The following RNF144A variants were observed in gnomAD, a reference collection of about 807,000 sequenced individuals.
The protein encoded by RNF144A is ring finger protein 144A, also known as E3 ubiquitin-protein ligase RNF144A.
RNF144A carries 11 observed loss-of-function variants against 38.7 expected under a neutral mutation model. The ratio of observed to expected loss-of-function variants is 0.28; its 90% CI spans 0.18 to 0.47. RNF144A has a LOEUF of 0.47. Among genes scored for constraint, RNF144A ranks in the 20% least tolerant of loss-of-function variants. The probability of loss-of-function intolerance (pLI) is 0.99; values close to 1 mark genes in which losing one functional copy is unlikely to be tolerated. For synonymous variants in RNF144A, 149 were observed against 143.9 expected, an observed-to-expected ratio of 1.04 and a Z score of -0.25; for missense variants, 316 against 377.2, an observed-to-expected ratio of 0.84 and a Z score of 1.34.
chr2:6,994,954 C>G (rs1282161926), intron 2 of RNF144A, among the ~76,000 whole-genome samples: 1 of 152,176 alleles, frequency 6.6e-6, no homozygotes, highest in Non-Finnish European at 1.5e-5. Context: ...ATTTCTGCCT[C>G]TCATGTCCTT....
intron 2 of RNF144A, among the ~76,000 whole-genome samples, chr2:6,976,669 A>G (rs1313396769): frequency 1.3e-5 from 2 of 149,356 alleles, no homozygotes. Flanking sequence ...TTTCATATAT[A>G]AACTTTATAT....
At position 6,955,613 on chromosome 2, in the gene RNF144A, A is replaced by G. The variant is rs537113914; in HGVS notation, c.-12+14466A>G. ...TTCTTTCTTAATTATTTCCTTTACA[A>G]TCATCACTGTGTCTAGATGTTTTCC... On this transcript the variant is annotated intron_variant, in intron 2 of 8. Transcript: ENST00000320892. Among the ~76,000 whole-genome samples, 17 of 152,182 alleles carry G rather than the reference A, an allele frequency of 1.1e-4. No homozygotes were observed. In the South Asian group the frequency reaches 1.2e-3, roughly 11 times the overall value.
At chr2:7,014,372 G>C (rs1572403107) in intron 3 of RNF144A, 82 bp from the exon 4 acceptor site, 1 of 894,274 alleles carries the variant, frequency 1.1e-6, no homozygotes, top group Non-Finnish European at 1.9e-6. Flanking sequence ...TGATGTGCCT[G>C]GTCCTTTTTT....
At chr2:7,003,499 A>G (rs1323508117) in intron 3 of RNF144A, among the ~76,000 whole-genome samples, 2 of 152,224 alleles carry the variant, frequency 1.3e-5, no homozygotes, top group Non-Finnish European at 2.9e-5. Flanking sequence ...AATACTTGTA[A>G]TTGCCTACGG....
intron 2 of RNF144A, among the ~76,000 whole-genome samples, chr2:6,991,002 T>G (rs1317297309): frequency 1.3e-5 from 2 of 152,214 alleles, no homozygotes; most frequent in Non-Finnish European, 1.5e-5. Context: ...TCCATGTCTT[T>G]TCTTGGCTTG....
rs1664200038 is a variant in RNF144A at position 6,917,572 on chromosome 2, C to A, written c.-262C>A. The A allele has an allele frequency of 6.8e-6, 1 of 147,860 alleles. No homozygotes were observed. Among genetic ancestry groups the A allele is most frequent in the Non-Finnish European group, 1.5e-5 (1 of 66,374 alleles). The allele number at this position is 147,860 out of a possible 1,614,324, so 9.2% of individuals were successfully genotyped here. On this transcript the variant is annotated 5_prime_UTR_variant, in exon 1 of 9. Coordinates refer to ENST00000320892, the MANE Select transcript of RNF144A (RefSeq NM_014746.6). The surrounding 1 kb of genome is among the most constrained non-coding windows in gnomAD (Gnocchi z 4.8). Reference sequence around the variant, plus strand: ...CTGCGGGCACCCGGCACCCCGCAGCCAGTACCGGGCGGAGGCGTCAGAGCC... The same window carrying A: ...CTGCGGGCACCCGGCACCCCGCAGCAAGTACCGGGCGGAGGCGTCAGAGCC...
In RNF144A at chr2:6,932,158, G is replaced by A. The variant is rs1019811440; in HGVS notation, c.-211-8790G>A. On this transcript the variant is annotated intron_variant, in intron 1 of 8. Transcript: ENST00000320892. ...GGAAAATTGATCTCTTTATTATTTTGTGATGACCCTCTTTGTTGTGATGAT... is the reference window on the plus strand; with the variant it reads ...GGAAAATTGATCTCTTTATTATTTTATGATGACCCTCTTTGTTGTGATGAT... Among the ~76,000 whole-genome samples, 28 of 152,124 alleles carry A rather than the reference G, an allele frequency of 1.8e-4. 1 individual carries two copies. The highest frequency in any genetic ancestry group is 6.5e-4 in the African/African-American group (27 of 41,402).
chr2:7,061,481 GT>G (rs747894915), intron 6 of RNF144A, among the ~76,000 whole-genome samples: 3 of 151,898 alleles, frequency 2.0e-5, no homozygotes, highest in Non-Finnish European at 2.9e-5. Flanking sequence ...GGGTGATGAT[GT>G]TTTTTTTAAT....
intron 3 of RNF144A, among the ~76,000 whole-genome samples, chr2:7,003,450 T>C (rs1270252505): frequency 6.6e-6 from 1 of 152,240 alleles, no homozygotes; most frequent in African/African-American, 2.4e-5. Context: ...TTTAGAAATT[T>C]AGATGTGCAA....
intron 2 of RNF144A, among the ~76,000 whole-genome samples, chr2:6,991,353 C>T (rs767018672): frequency 1.3e-5 from 2 of 152,194 alleles, no homozygotes; most frequent in African/African-American, 2.4e-5. Context: ...CACAGTTCTC[C>T]AATCTCTGCT....
At chr2:7,049,848 A>C (rs1673449082) in intron 6 of RNF144A, among the ~76,000 whole-genome samples, 1 of 152,162 alleles carries the variant, frequency 6.6e-6, no homozygotes, top group Non-Finnish European at 1.5e-5. Context: ...ACCTGCAAAA[A>C]ATGTGTACTG....
intron 6 of RNF144A, among the ~76,000 whole-genome samples, chr2:7,021,695 A>T (rs1406657831): frequency 6.6e-6 from 1 of 152,182 alleles, no homozygotes; most frequent in Non-Finnish European, 1.5e-5. Flanking sequence ...ATTGGATTTG[A>T]GTTCTTGCGT....
intron 2 of RNF144A, among the ~76,000 whole-genome samples, chr2:6,967,843 T>C (rs2103341113): frequency 6.6e-6 from 1 of 152,234 alleles, no homozygotes; most frequent in East Asian, 1.9e-4. Context: ...GAGGGAAAAC[T>C]CAAAAGCTCG....
downstream of RNF144A, among the ~76,000 whole-genome samples, chr2:7,070,935 T>G (rs957354162): frequency 1.7e-4 from 3 of 17,276 alleles, no homozygotes; most frequent in Admixed American, 5.5e-4. Context: ...TTGCTGAGTT[T>G]TTTTTTTTTT....
chr2:6,930,833 A>G (rs116964826), intron 1 of RNF144A, among the ~76,000 whole-genome samples: 2 of 152,024 alleles, frequency 1.3e-5, no homozygotes, highest in Non-Finnish European at 2.9e-5. Flanking sequence ...AGCTCAAGCA[A>G]TTCTCTCACC....
chr2:6,973,870 G>T lies in RNF144A; in HGVS notation c.-11-23046G>T, dbSNP rs60302880. Among the ~76,000 whole-genome samples the T allele has an allele frequency of 1.1e-3, 172 of 152,292 alleles. 1 individual carries two copies. The highest frequency in any genetic ancestry group is 3.9e-3 in the African/African-American group (164 of 41,560). On this transcript the variant is annotated intron_variant, in intron 2 of 8. Transcript: ENST00000320892. ...CTGCTTCGTGCTCCAGCATCAGAGAGGTCTTTTCTACAGAGACCCCATGAT... is the reference window on the plus strand; with the variant it reads ...CTGCTTCGTGCTCCAGCATCAGAGATGTCTTTTCTACAGAGACCCCATGAT...
intron 2 of RNF144A, among the ~76,000 whole-genome samples, chr2:6,951,743 A>G (rs535949855): frequency 8.6e-4 from 131 of 152,336 alleles, no homozygotes; most frequent in Admixed American, 1.4e-3. Context: ...GCTGGAATGT[A>G]TAAATGTAAT....
chr2:7,048,515 T>C (rs2460410), downstream of RNF144A, among the ~76,000 whole-genome samples: 75,180 of 151,996 alleles, frequency 0.49, 19,299 homozygotes, highest in South Asian at 0.68. Context: ...GGAACACACC[T>C]AGGCAGGGTT....
chr2:7,061,770 A>T (rs1045120486), intron 6 of RNF144A, among the ~76,000 whole-genome samples: 1 of 152,244 alleles, frequency 6.6e-6, no homozygotes, highest in Non-Finnish European at 1.5e-5. Flanking sequence ...AATAGTTTTT[A>T]GAGGATAATA....
Sources: gnomAD v4.1 joint callset for allele counts (sites outside exome capture counted in the v4.1 genomes callset) on GRCh38, gnomAD v4.1.1 for gene constraint, Gnocchi (gnomAD v3.1) non-coding constraint, MANE v1.5 for transcripts, NCBI Gene and HGNC (gene_info 2026-07-23, HGNC 2026-07-21) for gene names.